The following SLC44A3 variants were observed in gnomAD, a reference collection of about 807,000 sequenced individuals.
SLC44A3 encodes choline transporter-like protein 3.
SLC44A3 carries 74 observed loss-of-function variants against 75.4 expected under a neutral mutation model. That is an observed-to-expected ratio of 0.98 (90% CI 0.81 to 1.19). The LOEUF is 1.19. Among genes scored for constraint, SLC44A3 ranks in the 50% most tolerant of loss-of-function variants. The pLI, the probability that SLC44A3 is intolerant of heterozygous loss-of-function variation, is 0.00. For synonymous variants in SLC44A3, 310 were observed against 296.9 expected, an observed-to-expected ratio of 1.04 and a Z score of -0.45; for missense variants, 700 against 778.6, an observed-to-expected ratio of 0.90 and a Z score of 1.20.
Position 94,891,124 on chromosome 1 carries a change from T to C in SLC44A3, c.1483-6T>C. The C allele has an allele frequency of 1.3e-6, 2 of 1,592,966 alleles. No individual in the cohort carries two copies. The highest frequency in any genetic ancestry group is 1.7e-6 in the Non-Finnish European group (2 of 1,171,260). ...TTATCTTTTAAACAATTCTCTTCTG[T>C]TTCAGAATGCATATACTACAACTGC... is the stretch of plus-strand genomic sequence containing the variant. On this transcript the variant is annotated splice_polypyrimidine_tract_variant and splice_region_variant and intron_variant, in intron 12 of 14. Coordinates refer to ENST00000271227, the MANE Select transcript of SLC44A3 (RefSeq NM_001114106.3).
chr1:94,876,144 C>T (rs914300293), intron 12 of SLC44A3, among the ~76,000 whole-genome samples: 2 of 152,178 alleles, frequency 1.3e-5, no homozygotes, highest in Non-Finnish European at 2.9e-5. Context: ...GTGATCACAG[C>T]TAGGCAAGGG....
At chr1:94,845,250 T>C in intron 8 of SLC44A3, 28 bp from the exon 9 acceptor site, 1 of 1,562,800 alleles carries the variant, frequency 6.4e-7, no homozygotes, top group Non-Finnish European at 8.7e-7. Flanking sequence ...TATTTGGAAG[T>C]AATTTACTCA....
chr1:94,841,405 A>G (rs1663625000), intron 7 of SLC44A3, among the ~76,000 whole-genome samples: 2 of 152,156 alleles, frequency 1.3e-5, no homozygotes. Context: ...GGACAGGCAC[A>G]ATGACTTCTG....
chr1:94,828,909 T>C (rs1408606467), intron 5 of SLC44A3, among the ~76,000 whole-genome samples: 1 of 152,194 alleles, frequency 6.6e-6, no homozygotes, highest in East Asian at 1.9e-4. Flanking sequence ...AATTAGTGTG[T>C]ATTTTTTTCT....
intron 5 of SLC44A3, among the ~76,000 whole-genome samples, chr1:94,835,363 A>T (rs1662647531): frequency 6.6e-6 from 1 of 152,198 alleles, no homozygotes; most frequent in Admixed American, 6.5e-5. Context: ...TAGATCCTGG[A>T]ATAGAAAAAG....
rs546585792 is a variant in SLC44A3 at position 94,850,949 on chromosome 1, G to C, written c.1072+5485G>C. On this transcript the variant is annotated intron_variant, in intron 9 of 14. Transcript: ENST00000271227. ...TGCTAGTGGCCCAGTCTTGTTCTAG[G>C]AAAAGAGTAAAGGGAGGTTGCACGG... Among the ~76,000 whole-genome samples, 5 of 152,228 alleles carry C rather than the reference G, an allele frequency of 3.3e-5. No individual in the cohort carries two copies. In the South Asian group the frequency reaches 6.2e-4, roughly 19 times the overall value.
chr1:94,893,668 C>CCAAAAT (rs1670464713), intron 14 of SLC44A3, among the ~76,000 whole-genome samples: 1 of 152,104 alleles, frequency 6.6e-6, no homozygotes, highest in Non-Finnish European at 1.5e-5. Flanking sequence ...TGAGCCACCG[C>CCAAAAT]ACTCAGCCAA....
intron 12 of SLC44A3, among the ~76,000 whole-genome samples, chr1:94,882,003 G>C (rs1669057178): frequency 6.6e-6 from 1 of 151,758 alleles, no homozygotes; most frequent in Admixed American, 6.6e-5. Flanking sequence ...CTGGGTGAGA[G>C]AGCGAGACTC....
At chr1:94,871,673 G>A (rs1403025669) in intron 12 of SLC44A3, among the ~76,000 whole-genome samples, 1 of 152,176 alleles carries the variant, frequency 6.6e-6, no homozygotes, top group East Asian at 1.9e-4. Context: ...TGAGCCCCAG[G>A]ACTCTTCCTG....
intron 12 of SLC44A3, among the ~76,000 whole-genome samples, chr1:94,885,941 A>G (rs17112682): frequency 0.091 from 13,864 of 152,306 alleles, 1,197 homozygotes; most frequent in East Asian, 0.37. Flanking sequence ...TGTAGCTATC[A>G]TTAGGTCTGT....
In SLC44A3 at chr1:94,894,992, AC is replaced by A; in HGVS notation, c.*72del. On this transcript the variant is annotated 3_prime_UTR_variant, in exon 15 of 15. Transcript: ENST00000271227. ...AGCCATTTACAGAATAGAAGATGAG[AC>A]CACTAGAGAAAAGTTAGTGAATTTT... is the stretch of plus-strand genomic sequence containing the variant. 2 of 1,206,420 alleles carry A rather than the reference AC, an allele frequency of 1.7e-6. No homozygotes were observed. Among genetic ancestry groups the A allele is most frequent in the Non-Finnish European group, 2.3e-6 (2 of 856,832 alleles). The allele number at this position is 1,206,420 out of a possible 1,614,324, so 74.7% of individuals were successfully genotyped here.
At chr1:94,823,837 G>A (rs923714903) in intron 2 of SLC44A3, among the ~76,000 whole-genome samples, 1 of 152,182 alleles carries the variant, frequency 6.6e-6, no homozygotes, top group Non-Finnish European at 1.5e-5. Context: ...GAGCCTGTCA[G>A]TATGTATTAA....
chr1:94,870,916 G>T (rs7537663), intron 12 of SLC44A3, among the ~76,000 whole-genome samples: 1 of 152,002 alleles, frequency 6.6e-6, no homozygotes, highest in Non-Finnish European at 1.5e-5. Flanking sequence ...CCTGACCTCA[G>T]GTGATTTACC....
At chr1:94,865,703 G>A (rs187968888) in intron 11 of SLC44A3, among the ~76,000 whole-genome samples, 49 of 152,192 alleles carry the variant, frequency 3.2e-4, no homozygotes, top group African/African-American at 1.1e-3. Context: ...CTCTTCCCCC[G>A]TCACCACCTT....
In SLC44A3 at chr1:94,892,223, C is replaced by CA; in HGVS notation, c.1621-53dup. On this transcript the variant is annotated intron_variant, in intron 13 of 14. Coordinates refer to ENST00000271227, the MANE Select transcript of SLC44A3 (RefSeq NM_001114106.3). ...ATATTAAACCATTACTTGTAACTGA[C>CA]AAAAACATCTAAGCAACTGATTCAT... 2.7e-6 allele frequency: 4 copies of CA among 1,508,178 alleles called. No individual in the cohort carries two copies. The South Asian group carries it at 3.5e-5, about 13-fold the overall frequency. 93.4% of individuals were successfully genotyped at this position (1,508,178 alleles called of 1,614,324 possible).
intron 7 of SLC44A3, among the ~76,000 whole-genome samples, chr1:94,840,283 C>CTTTTTTTTTTTTTTTTTTT (rs56383271): frequency 1.2e-4 from 9 of 77,356 alleles, no homozygotes; most frequent in Non-Finnish European, 1.4e-4. Context: ...TTTCTTTTTC[C>CTTTTTTTTTTTTTTTTTTT]TTTTTTTTTT....
intron 5 of SLC44A3, among the ~76,000 whole-genome samples, chr1:94,832,291 A>G (rs935015723): frequency 6.6e-6 from 1 of 152,202 alleles, no homozygotes; most frequent in African/African-American, 2.4e-5. Context: ...AGTGTATTTC[A>G]TTGTATATAA....
At chr1:94,865,427 T>C (rs114041209) in intron 11 of SLC44A3, among the ~76,000 whole-genome samples, 5,945 of 152,130 alleles carry the variant, frequency 0.039, 147 homozygotes, top group South Asian at 0.064. Context: ...AGAGTGTGTA[T>C]GTGTGTGTAC....
intron 9 of SLC44A3, among the ~76,000 whole-genome samples, chr1:94,855,881 A>C (rs776948790): frequency 7.9e-5 from 12 of 152,252 alleles, no homozygotes; most frequent in African/African-American, 1.4e-4. Flanking sequence ...GGTTTCACCA[A>C]AGACCAGAGC....
Sources: allele counts gnomAD v4.1 joint callset (sites outside exome capture counted in the v4.1 genomes callset), GRCh38; gene constraint gnomAD v4.1.1; transcripts MANE v1.5; gene names NCBI Gene and HGNC (gene_info 2026-07-23, HGNC 2026-07-21).